NUTM1: variants seen among roughly 807,000 people sequenced by gnomAD.
The protein encoded by NUTM1 is NUT midline carcinoma family member 1, also known as NUT family member 1.
In NUTM1, 39 loss-of-function variants were observed where a neutral mutation model predicts 88.7. The ratio of observed to expected loss-of-function variants is 0.44; its 90% confidence interval spans 0.34 to 0.57. The LOEUF (loss-of-function observed/expected upper bound fraction) is 0.57, where lower values mean the gene tolerates loss of function less well. Ranked by LOEUF, NUTM1 falls within the 20% of genes least tolerant of loss-of-function variation. NUTM1 has a pLI of 0.01. For synonymous variants in NUTM1, 494 were observed against 538.0 expected, an observed-to-expected ratio of 0.92 and a Z score of 1.13; for missense variants, 1,350 against 1,414.5, an observed-to-expected ratio of 0.95 and a Z score of 0.73.
In NUTM1 at chr15:34,355,147, G is replaced by A; in HGVS notation, c.1479+10G>A. The A allele has an allele frequency of 6.5e-7, 1 of 1,529,656 alleles. No homozygotes were observed. The highest frequency in any genetic ancestry group is 9.1e-7 in the Non-Finnish European group (1 of 1,103,352). 94.8% of individuals were successfully genotyped at this position (1,529,656 alleles called of 1,614,324 possible). On this transcript the variant is annotated intron_variant, in intron 7 of 7. Transcript: ENST00000537011. This position sits in a 1 kb window ranked among gnomAD's most constrained non-coding sequence, Gnocchi z 4.3. ...ACTCACTCTTGCCCAGGTAAAACTG[G>A]GGTATAGGAAATATGAGAACGAGAA...
At chr15:34,346,468 A>T (rs1890587644) in intron 2 of NUTM1, among the ~76,000 whole-genome samples, 1 of 150,364 alleles carries the variant, frequency 6.7e-6, no homozygotes, top group Non-Finnish European at 1.5e-5. Context: ...GGGGAAGGGG[A>T]TGTGGAGGAT....
At chr15:34,354,352 C>G (rs1019238043) in intron 5 of NUTM1, 94 bp from the exon 6 acceptor site, 9 of 1,333,288 alleles carry the variant, frequency 6.8e-6, no homozygotes, top group Non-Finnish European at 9.6e-6. Context: ...TTCCCATTCT[C>G]CTGTCCATCT....
rs371580453 is a variant in NUTM1, at chr15:34,350,691, A to T, written c.810-13A>T. 6.2e-7 allele frequency: 1 copy of T among 1,609,778 alleles called. No individual in the cohort carries two copies. The highest frequency in any genetic ancestry group is 2.2e-5 in the East Asian group (1 of 44,828). On this transcript the variant is annotated splice_polypyrimidine_tract_variant and intron_variant, in intron 3 of 7. Coordinates refer to ENST00000537011, the MANE Select transcript of NUTM1 (RefSeq NM_001284292.2). Reference sequence around the variant, plus strand: ...ACACTTTTAGAATGTGACTGACTCAATGGGGGTTTTAGCCCAGTGCTTCGT... The same window carrying T: ...ACACTTTTAGAATGTGACTGACTCATTGGGGGTTTTAGCCCAGTGCTTCGT...
intron 1 of NUTM1, 118 bp from the exon 2 acceptor site, chr15:34,345,823 AC>A: frequency 7.5e-7 from 1 of 1,338,884 alleles, no homozygotes; most frequent in Non-Finnish European, 1.0e-6. Context: ...CCCCACCCTC[AC>A]CCCACTTTTC....
At chr15:34,353,311 C>T (rs1323395673) in intron 4 of NUTM1, among the ~76,000 whole-genome samples, 1 of 152,170 alleles carries the variant, frequency 6.6e-6, no homozygotes, top group Non-Finnish European at 1.5e-5. Context: ...CCTCCCACCT[C>T]AGCCCCACAA....
intron 2 of NUTM1, among the ~76,000 whole-genome samples, chr15:34,346,902 A>AAAAAAAAG (rs1890602396): frequency 1.3e-5 from 2 of 149,376 alleles, no homozygotes; most frequent in Non-Finnish European, 3.0e-5. Flanking sequence ...AAAAAAAAAA[A>AAAAAAAAG]AAAAAGCAGC....
chr15:34,354,338 C>A, intron 5 of NUTM1, 108 bp from the exon 6 acceptor site: 1 of 1,214,928 alleles, frequency 8.2e-7, no homozygotes, highest in Non-Finnish European at 1.2e-6. Context: ...GGTTTCTGTG[C>A]TACTTCCCAT....
At position 34,348,376 on chromosome 15, in the gene NUTM1, A is replaced by T; in HGVS notation, c.508A>T (p.Ile170Phe). 6.2e-7 allele frequency: 1 copy of T among 1,614,214 alleles called. No homozygotes were observed. Among genetic ancestry groups the T allele is most frequent in the Non-Finnish European group, 8.5e-7 (1 of 1,180,026 alleles). The change falls in exon 3 of 8, where the codon ATT becomes TTT. Residue 170 changes from isoleucine (I) to phenylalanine (F), a missense_variant. This residue lies in a region of NUTM1 where 399 missense variants were observed against 397.9 expected (regional missense o/e 1.00). Transcript: ENST00000537011. ...TGTGACAGCATCTAATGTGAAGACC[A>T]TTCTGCCCTCTAAGGCTGTTGGTGT... ...PFVTASNVKT[I>F]LPSKAVGVSQ...
At position 34,355,892 on chromosome 15, in the gene NUTM1, T is replaced by C; in HGVS notation, c.1884T>C (p.His628=). The change falls in exon 8 of 8, where the codon CAT becomes CAC. Residue 628 remains histidine (H), a synonymous_variant. Transcript: ENST00000537011. This position sits in a 1 kb window ranked among gnomAD's most constrained non-coding sequence, Gnocchi z 4.3. ...AGGTATCTCTACATCAGGATGGCCA[T>C]CTAGGAGGCGCTGGGCCTCCTGGGC... ...INQVSLHQDG[H]LGGAGPPGHC... 1 of 1,613,846 alleles carries C rather than the reference T, an allele frequency of 6.2e-7. No homozygotes were observed.
rs1426851973 is a variant in NUTM1, at chr15:34,354,535, A to G, written c.1165A>G (p.Lys389Glu). The G allele has an allele frequency of 6.2e-7, 1 of 1,614,090 alleles. No individual in the cohort carries two copies. The highest frequency in any genetic ancestry group is 2.2e-5 in the East Asian group (1 of 44,874). Residue 389 changes from lysine (K) to glutamate (E), a missense_variant, in exon 6 of 8, where the codon AAG (lysine) becomes GAG (glutamate). Physicochemically the swap from Lys to Glu is moderately conservative, Grantham distance 56. Around this residue, in one of 5 missense-constraint regions of NUTM1, gnomAD observed 89 missense variants for 76.0 expected, o/e 1.17. Coordinates refer to ENST00000537011, the MANE Select transcript of NUTM1 (RefSeq NM_001284292.2). ...GAGACCTCCTGCTCCTGAGGCACCCAAGGAGATCCCACCAGAAGCTGTGAA... is the reference window on the plus strand; with the variant it reads ...GAGACCTCCTGCTCCTGAGGCACCCGAGGAGATCCCACCAGAAGCTGTGAA... ...AQRPPAPEAP[K>E]EIPPEAVKEY...
At position 34,357,090 on chromosome 15, in the gene NUTM1, G is replaced by T; in HGVS notation, c.3082G>T (p.Ala1028Ser). 1 of 1,614,078 alleles carries T rather than the reference G, an allele frequency of 6.2e-7. No individual in the cohort carries two copies. Among genetic ancestry groups the T allele is most frequent in the African/African-American group, 1.3e-5 (1 of 75,006 alleles). The stretch of plus-strand genomic sequence containing the variant: ...TAAAACACACAGGTCAGCAGACAGG[G>T]CCAAAGGAAAGGAGAAAAAGAAAAA... ...VSKTHRSADR[A>S]KGKEKKKKEA... The change falls in exon 8 of 8, where the codon GCC becomes TCC. Residue 1028 changes from alanine to serine, a missense_variant. This residue lies in a region of NUTM1 where 730 missense variants were observed against 728.8 expected (regional missense o/e 1.00). Transcript: ENST00000537011.
intron 3 of NUTM1, among the ~76,000 whole-genome samples, chr15:34,349,843 G>A (rs1360123121): frequency 6.6e-6 from 1 of 152,190 alleles, no homozygotes; most frequent in African/African-American, 2.4e-5. Flanking sequence ...GAGCCTAGCA[G>A]GCTAAATTTC....
At chr15:34,354,375 T>A in intron 5 of NUTM1, 71 bp from the exon 6 acceptor site, 1 of 1,484,318 alleles carries the variant, frequency 6.7e-7, no homozygotes, top group Non-Finnish European at 9.4e-7. Context: ...TACCTTAGTG[T>A]ACATTCCGAA....
In NUTM1 at chr15:34,357,052, A is replaced by C. The variant is rs942491287; in HGVS notation, c.3044A>C (p.Glu1015Ala). ...RGTRNAIVPRETSVSKTHRSA... is the reference protein window; with the variant it reads ...RGTRNAIVPRATSVSKTHRSA... ...ACCAGGAATGCCATAGTTCCGAGAG[A>C]AACTTCTGTTAGTAAAACACACAGG... is the stretch of plus-strand genomic sequence containing the variant. The change falls in exon 8 of 8, where the codon GAA (glutamate) becomes GCA (alanine). Residue 1015 changes from glutamate (E) to alanine (A), a missense_variant. Transcript: ENST00000537011. 5.6e-6 allele frequency: 9 copies of C among 1,614,064 alleles called. No individual in the cohort carries two copies. The highest frequency in any genetic ancestry group is 5.9e-6 in the Non-Finnish European group (7 of 1,180,026).
At chr15:34,352,477 A>G (rs1253464664) in intron 4 of NUTM1, among the ~76,000 whole-genome samples, 5 of 152,040 alleles carry the variant, frequency 3.3e-5, no homozygotes, top group East Asian at 3.9e-4. Context: ...GCTGTGTACA[A>G]TCCATGAAGC....
intron 5 of NUTM1, 92 bp from the exon 6 acceptor site, chr15:34,354,354 T>C: frequency 7.4e-7 from 1 of 1,342,800 alleles, no homozygotes; most frequent in South Asian, 1.2e-5. Flanking sequence ...CCCATTCTCC[T>C]GTCCATCTCT....
chr15:34,344,502 CAAAAA>C (rs780145688), intron 1 of NUTM1, among the ~76,000 whole-genome samples: 12,698 of 85,564 alleles, frequency 0.15, 625 homozygotes, highest in Non-Finnish European at 0.21. Context: ...GATCCTGTCT[CAAAAA>C]AAAAAAAAAA....
Position 34,357,499 on chromosome 15 carries a change from C to G in NUTM1, c.*8C>G. ...CGACGTCGTAGCCAGTAGGGAGCAG[C>G]GGGACCATCTGACCCCACTTGCCAG... On this transcript the variant is annotated 3_prime_UTR_variant, in exon 8 of 8. Coordinates refer to ENST00000537011, the MANE Select transcript of NUTM1 (RefSeq NM_001284292.2). 6.2e-7 allele frequency: 1 copy of G among 1,612,166 alleles called. No homozygotes were observed.
chr15:34,357,339 C>T lies in NUTM1; in HGVS notation c.3331C>T (p.Pro1111Ser). ...GCGAGCTCTAGCTGGAGGTCCAGCC[C>T]CTACTGAAAAGACACCCCACTCAGG... ...GKRALAGGPA[P>S]TEKTPHSGAQ... is the part of the protein sequence containing the mutation. Residue 1111 changes from proline to serine, a missense_variant, in exon 8 of 8, where the codon CCT (proline) becomes TCT (serine). Transcript: ENST00000537011. 6.2e-7 allele frequency: 1 copy of T among 1,614,126 alleles called. No individual in the cohort carries two copies. Among genetic ancestry groups the T allele is most frequent in the Non-Finnish European group, 8.5e-7 (1 of 1,180,022 alleles).
Sources: allele counts gnomAD v4.1 joint callset (sites outside exome capture counted in the v4.1 genomes callset), GRCh38; gene constraint gnomAD v4.1.1; regional missense constraint gnomAD v4.1.1; non-coding constraint Gnocchi (gnomAD v3.1); transcripts MANE v1.5; gene names NCBI Gene and HGNC (gene_info 2026-07-23, HGNC 2026-07-21).